Variants in HSPG2 observed in about 807,000 individuals in gnomAD.
HSPG2 encodes basement membrane-specific heparan sulfate proteoglycan core protein.
A neutral mutation model predicts 526.6 loss-of-function variants in HSPG2; 278 were observed. The ratio of observed to expected loss-of-function variants is 0.53; its 90% confidence interval spans 0.48 to 0.58. The LOEUF (loss-of-function observed/expected upper bound fraction) is 0.58. Ranked by LOEUF, HSPG2 falls within the 20% of genes least tolerant of loss-of-function variation. HSPG2 has a pLI of 0.00. For synonymous variants in HSPG2, 2,465 were observed against 2,555.4 expected (o/e 0.96, Z 1.07); for missense variants, 5,354 against 6,099.5 (o/e 0.88, Z 4.07).
chr1:21,830,707 A>AAG, intron 85 of HSPG2: 1 of 379,416 alleles, frequency 2.6e-6, no homozygotes, highest in East Asian at 4.9e-5. Context: ...AAAAAAAAAA[A>AAG]AAAAAGATGG....
In HSPG2 at chr1:21,848,178, C is replaced by G; in HGVS notation, c.7738-85G>C. The G allele has an allele frequency of 4.9e-6, 7 of 1,439,750 alleles. No individual in the cohort carries two copies. The highest frequency in any genetic ancestry group is 6.6e-6 in the Non-Finnish European group (7 of 1,057,872). 89.2% of individuals were successfully genotyped at this position (1,439,750 alleles called of 1,614,324 possible). A position where few individuals can be genotyped will look rare whatever the true frequency, so the allele number is the denominator to read the frequency against. On this transcript the variant is annotated intron_variant, in intron 59 of 96. Coordinates refer to ENST00000374695, the MANE Select transcript of HSPG2 (RefSeq NM_005529.7). The surrounding 1 kb of genome is among the most constrained non-coding windows in gnomAD (Gnocchi z 4.9). ...GGGCACTGCTGCCGCTGCCCCTGGACTCTGGGGGCCTCCCTGCCTTGCCTC... is the reference window on the plus strand; with the variant it reads ...GGGCACTGCTGCCGCTGCCCCTGGAGTCTGGGGGCCTCCCTGCCTTGCCTC...
intron 77 of HSPG2, among the ~76,000 whole-genome samples, chr1:21,834,293 GT>G (rs982342386): frequency 3.9e-5 from 6 of 152,218 alleles, no homozygotes; most frequent in African/African-American, 2.4e-5. Flanking sequence ...AACACACAGT[GT>G]TTGTGTCTGC....
chr1:21,886,561 A>G (rs1000263419), intron 9 of HSPG2, among the ~76,000 whole-genome samples: 1 of 151,958 alleles, frequency 6.6e-6, no homozygotes, highest in African/African-American at 2.4e-5. Flanking sequence ...ACAGGATACC[A>G]CCTGATGTGG....
At position 21,824,472 on chromosome 1, in the gene HSPG2, G is replaced by A. The variant is rs1037252246; in HGVS notation, c.12744+65C>T. On this transcript the variant is annotated intron_variant, in intron 93 of 96. Transcript: ENST00000374695. This position sits in a 1 kb window ranked among gnomAD's most constrained non-coding sequence, Gnocchi z 5.9. ...TGCTTTCCCCTCCCCCCACCACTCC[G>A]GCCACCAGGAAGCCAGCTTCCTGCC... 19 of 1,602,670 alleles carry A rather than the reference G, an allele frequency of 1.2e-5. No homozygotes were observed. The highest frequency in any genetic ancestry group is 9.4e-5 in the African/African-American group (7 of 74,748).
Position 21,863,065 on chromosome 1 carries a change from A to ACAAAAACAAAAAAAAAC in HSPG2, c.4741-951_4741-950insGTTTTTTTTTGTTTTTG, listed in dbSNP as rs1284437509. On this transcript the variant is annotated intron_variant, in intron 37 of 96. Coordinates refer to ENST00000374695, the MANE Select transcript of HSPG2 (RefSeq NM_005529.7). ...ACAAAAGCGAGACTCCATCTCAAAA[A>ACAAAAACAAAAAAAAAC]AAAAAAAAAAAAAAAAAAAAAAAGA... 5.5e-5 allele frequency among the ~76,000 whole-genome samples: 4 copies of ACAAAAACAAAAAAAAAC among 72,646 alleles called. 1 individual carries two copies. Among genetic ancestry groups the ACAAAAACAAAAAAAAAC allele is most frequent in the Non-Finnish European group, 1.0e-4 (4 of 38,594 alleles). 47.7% of individuals were successfully genotyped at this position (72,646 alleles called of 152,430 possible). A position where few individuals can be genotyped will look rare whatever the true frequency, so the allele number is the denominator to read the frequency against.
rs1156470625 is a variant in HSPG2 at position 21,854,936 on chromosome 1, G to C, written c.6045C>G (p.Ile2015Met). 6.2e-7 allele frequency: 1 copy of C among 1,614,074 alleles called. No homozygotes were observed. Among genetic ancestry groups the C allele is most frequent in the South Asian group, 1.1e-5 (1 of 91,088 alleles). The change falls in exon 48 of 97, where the codon ATC (isoleucine) becomes ATG (methionine). Residue 2015 changes from isoleucine (I) to methionine (M), a missense_variant. Coordinates refer to ENST00000374695, the MANE Select transcript of HSPG2 (RefSeq NM_005529.7). The part of the protein sequence containing the change: ...TDIATLLIPA[I>M]TTADAGFYLC... ...GGTAGAAGCCGGCGTCAGCAGTCGT[G>C]ATGGCTGGGATGAGCAGTGTCGCGA...
At position 21,887,591 on chromosome 1, in the gene HSPG2, T is replaced by C. The variant is rs762981918; in HGVS notation, c.787A>G (p.Met263Val). ...GCGTGGGTGACTGGTGGCTGTCGCA[T>C]GATGGTTGTCTCTGGCCGGGGCGGT... Reference protein sequence around the residue: ...SLPPRPETTIMRQPPVTHAPQ... With the variant: ...SLPPRPETTIVRQPPVTHAPQ... Residue 263 changes from methionine to valine, a missense_variant, in exon 8 of 97, where the codon ATG (methionine) becomes GTG (valine). By Grantham distance (21) the Met-to-Val change is conservative. Coordinates refer to ENST00000374695, the MANE Select transcript of HSPG2 (RefSeq NM_005529.7). This position sits in a 1 kb window ranked among gnomAD's most constrained non-coding sequence, Gnocchi z 5.0. 3 of 1,614,076 alleles carry C rather than the reference T, an allele frequency of 1.9e-6. No individual in the cohort carries two copies. The highest frequency in any genetic ancestry group is 2.5e-6 in the Non-Finnish European group (3 of 1,180,012).
In HSPG2 at chr1:21,900,280, C is replaced by T. The variant is rs116477573; in HGVS notation, c.64-3970G>A. On this transcript the variant is annotated intron_variant, in intron 1 of 96. Coordinates refer to ENST00000374695, the MANE Select transcript of HSPG2 (RefSeq NM_005529.7). ...GCGGTGTGCAGGCAGCTGACTCAAC[C>T]GGGCCCAGGCCAGAGAATTGTTCTA... 7.9e-4 allele frequency among the ~76,000 whole-genome samples: 120 copies of T among 152,312 alleles called. 1 individual carries two copies. The highest frequency in any genetic ancestry group is 2.4e-3 in the Admixed American group (36 of 15,300).
Position 21,853,071 on chromosome 1 carries a change from CTG to C in HSPG2, c.6440-3_6440-2del. The C allele has an allele frequency of 6.2e-7, 1 of 1,613,854 alleles. No homozygotes were observed. The highest frequency in any genetic ancestry group is 8.5e-7 in the Non-Finnish European group (1 of 1,179,936). ...CGGATGGGCCGGGTGCTGCCGGGCA[CTG>C]GACACAGAGCGGCTGCTCAGAGGCC... On this transcript the variant is annotated splice_acceptor_variant and splice_polypyrimidine_tract_variant and intron_variant, in intron 50 of 96. Coordinates refer to ENST00000374695, the MANE Select transcript of HSPG2 (RefSeq NM_005529.7). LOFTEE classifies it high-confidence loss of function.
chr1:21,843,040 G>T, intron 66 of HSPG2, 119 bp from the exon 67 acceptor site: 1 of 1,208,202 alleles, frequency 8.3e-7, no homozygotes, highest in Non-Finnish European at 1.2e-6. Context: ...CTTGAGAGTG[G>T]CTGATATAAC....
chr1:21,878,030 T>C (rs1249998671), intron 21 of HSPG2, among the ~76,000 whole-genome samples, 156 bp downstream of exon 21: 2 of 152,240 alleles, frequency 1.3e-5, no homozygotes, highest in African/African-American at 4.8e-5. Context: ...CCACCTGTCC[T>C]GGTACGGAAG....
Position 21,895,834 on chromosome 1 carries a change from G to T in HSPG2, c.244+88C>A. 2.4e-6 allele frequency: 3 copies of T among 1,237,392 alleles called. No individual in the cohort carries two copies. The highest frequency in any genetic ancestry group is 3.6e-6 in the Non-Finnish European group (3 of 839,920). The allele number at this position is 1,237,392 out of a possible 1,614,324, so 76.7% of individuals were successfully genotyped here. On this transcript the variant is annotated intron_variant, in intron 3 of 96. Transcript: ENST00000374695. This position sits in a 1 kb window ranked among gnomAD's most constrained non-coding sequence, Gnocchi z 4.1. ...CTTCTTGCTTTGTACCCCAGGGCAG[G>T]CCCAAGGAGCCCTCAGCCCAGGAGA... is the stretch of plus-strand genomic sequence containing the variant.
At position 21,855,512 on chromosome 1, in the gene HSPG2, C is replaced by T. The variant is rs549815118; in HGVS notation, c.5854+11G>A. 1.4e-5 allele frequency: 23 copies of T among 1,610,356 alleles called. No individual in the cohort carries two copies. Among genetic ancestry groups the T allele is most frequent in the African/African-American group, 2.7e-5 (2 of 75,036 alleles). The stretch of plus-strand genomic sequence containing the variant: ...ACACTCCCGGCCCCCACCCTGAGCC[C>T]GGCCTCTCACCATGCACGTGGAGCA... On this transcript the variant is annotated intron_variant, in intron 46 of 96. Transcript: ENST00000374695.
chr1:21,919,580 GT>G (rs1190585436), intron 1 of HSPG2, among the ~76,000 whole-genome samples: 1 of 152,164 alleles, frequency 6.6e-6, no homozygotes, highest in Non-Finnish European at 1.5e-5. Flanking sequence ...CATTGATGGA[GT>G]TTCTATGGCA....
At chr1:21,844,124 T>G (rs777967092) in intron 65 of HSPG2, 24 bp downstream of exon 65, 2 of 1,611,772 alleles carry the variant, frequency 1.2e-6, no homozygotes, top group African/African-American at 1.3e-5. Context: ...GGAGGATGCA[T>G]GCATCCTTCT....
At chr1:21,850,857 TAAC>T (rs1638834229) in intron 55 of HSPG2, among the ~76,000 whole-genome samples, 1 of 152,178 alleles carries the variant, frequency 6.6e-6, no homozygotes, top group Non-Finnish European at 1.5e-5. Flanking sequence ...CAAAATATGG[TAAC>T]AACAATAGCT....
In HSPG2 at chr1:21,839,091, TG is replaced by T. The variant is rs2098038436; in HGVS notation, c.9890-7del. The T allele has an allele frequency of 1.9e-6, 3 of 1,573,710 alleles. No homozygotes were observed. The highest frequency in any genetic ancestry group is 1.4e-5 in the African/African-American group (1 of 74,004). The stretch of plus-strand genomic sequence containing the variant: ...CGTGGTGGCATATGGTGGGCCTGAG[TG>T]GGGGGACACAGAGGTCAGGATTGGG... On this transcript the variant is annotated splice_polypyrimidine_tract_variant and splice_region_variant and intron_variant, in intron 73 of 96. Transcript: ENST00000374695. This position sits in a 1 kb window ranked among gnomAD's most constrained non-coding sequence, Gnocchi z 4.5.
chr1:21,890,207 G>A lies in HSPG2; in HGVS notation c.414-66C>T. On this transcript the variant is annotated intron_variant, in intron 5 of 96. Coordinates refer to ENST00000374695, the MANE Select transcript of HSPG2 (RefSeq NM_005529.7). This position sits in a 1 kb window ranked among gnomAD's most constrained non-coding sequence, Gnocchi z 4.1. ...ACCTGTGTTCTCAGCTCCTCCATGA[G>A]GCTCCCGCCCCGACGCTCAGGCCCT... The A allele has an allele frequency of 6.3e-7, 1 of 1,588,388 alleles. No homozygotes were observed.
chr1:21,873,507 T>C, intron 29 of HSPG2, 83 bp from the exon 30 acceptor site: 1 of 1,263,852 alleles, frequency 7.9e-7, no homozygotes, highest in Non-Finnish European at 1.2e-6. Flanking sequence ...CATATTGAAT[T>C]CAATGGCCTC....
Sources: allele counts gnomAD v4.1 joint callset (sites outside exome capture counted in the v4.1 genomes callset), GRCh38; gene constraint gnomAD v4.1.1; non-coding constraint Gnocchi (gnomAD v3.1); transcripts MANE v1.5; gene names NCBI Gene and HGNC (gene_info 2026-07-23, HGNC 2026-07-21).